The following NEGR1 variants were observed in gnomAD, a reference collection of about 807,000 sequenced individuals.
NEGR1 encodes neuronal growth regulator 1.
A neutral mutation model predicts 40.9 loss-of-function variants in NEGR1; 10 were observed. The observed-to-expected ratio is 0.24, with a 90% CI of 0.15 to 0.42. The LOEUF (loss-of-function observed/expected upper bound fraction) is 0.42, where lower values mean the gene tolerates loss of function less well. Ranked by LOEUF, NEGR1 falls within the 10% of genes least tolerant of loss-of-function variation. The probability of loss-of-function intolerance (pLI) is 1.00; values close to 1 mark genes in which losing one functional copy is unlikely to be tolerated. For synonymous variants in NEGR1, 185 were observed against 166.8 expected, an observed-to-expected ratio of 1.11 and a Z score of -0.84; for missense variants, 352 against 438.9, an observed-to-expected ratio of 0.80 and a Z score of 1.77.
intron 2 of NEGR1, among the ~76,000 whole-genome samples, chr1:71,904,480 C>T (rs187511985): frequency 2.0e-5 from 3 of 152,156 alleles, no homozygotes; most frequent in Non-Finnish European, 2.9e-5. Context: ...AAGTAATATA[C>T]ACTTAATGCC....
At chr1:72,069,116 T>C (rs1159185016) in intron 1 of NEGR1, among the ~76,000 whole-genome samples, 1 of 151,984 alleles carries the variant, frequency 6.6e-6, no homozygotes, top group African/African-American at 2.4e-5. Context: ...TCAGTTTAAG[T>C]ATGTAAACGA....
intron 2 of NEGR1, among the ~76,000 whole-genome samples, chr1:71,813,395 C>A (rs553880408): frequency 6.6e-6 from 1 of 151,784 alleles, no homozygotes; most frequent in Non-Finnish European, 1.5e-5. Context: ...TTTTTGTTTA[C>A]GGTTGTCTTC....
At position 72,246,617 on chromosome 1, in the gene NEGR1, C is replaced by T. The variant is rs74492402; in HGVS notation, c.176+35702G>A. 7.5e-4 allele frequency among the ~76,000 whole-genome samples: 114 copies of T among 152,332 alleles called. 1 individual carries two copies. Among genetic ancestry groups the T allele is most frequent in the African/African-American group, 2.7e-3 (112 of 41,574 alleles). ...CCATTGCCTTTTTTATATAGGAATACATTTCCAAATGACTTAAGAGTATCT... is the reference window on the plus strand; with the variant it reads ...CCATTGCCTTTTTTATATAGGAATATATTTCCAAATGACTTAAGAGTATCT... On this transcript the variant is annotated intron_variant, in intron 1 of 6. Transcript: ENST00000357731.
At chr1:71,960,236 C>T (rs1414362399) in intron 1 of NEGR1, among the ~76,000 whole-genome samples, 13 of 152,140 alleles carry the variant, frequency 8.5e-5, no homozygotes, top group Admixed American at 2.6e-4. Flanking sequence ...TCACATACCT[C>T]TTTCAATCAA....
intron 4 of NEGR1, among the ~76,000 whole-genome samples, chr1:71,664,150 C>G (rs954432589): frequency 6.6e-6 from 1 of 152,012 alleles, no homozygotes; most frequent in Admixed American, 6.6e-5. Context: ...AGTTTCAAAC[C>G]CTACTCCTTT....
chr1:71,728,614 G>T (rs781690280), intron 3 of NEGR1, among the ~76,000 whole-genome samples: 1 of 152,028 alleles, frequency 6.6e-6, no homozygotes, highest in Non-Finnish European at 1.5e-5. Flanking sequence ...TTTGATTTTC[G>T]AGTAGGAACT....
intron 2 of NEGR1, among the ~76,000 whole-genome samples, chr1:71,831,191 T>C (rs1286548867): frequency 6.6e-6 from 1 of 152,084 alleles, no homozygotes; most frequent in South Asian, 2.1e-4. Context: ...CAGCCAGTTG[T>C]TGCTGGGACA....
At chr1:71,459,650 C>G (rs1285517561) in intron 6 of NEGR1, among the ~76,000 whole-genome samples, 1 of 152,200 alleles carries the variant, frequency 6.6e-6, no homozygotes, top group Non-Finnish European at 1.5e-5. Flanking sequence ...TCAGTAAGTT[C>G]AAATCCTGCC....
intron 1 of NEGR1, among the ~76,000 whole-genome samples, chr1:72,140,728 A>T (rs921384987): frequency 6.6e-6 from 1 of 152,060 alleles, no homozygotes; most frequent in Non-Finnish European, 1.5e-5. Context: ...ATTTTGTTAA[A>T]TGTTAGTGAA....
chr1:71,603,428 G>C (rs1299705042), intron 5 of NEGR1, among the ~76,000 whole-genome samples: 1 of 152,186 alleles, frequency 6.6e-6, no homozygotes, highest in Non-Finnish European at 1.5e-5. Flanking sequence ...TGACATAGGA[G>C]TCTGGAAATT....
chr1:72,233,376 G>T (rs1331443791), intron 1 of NEGR1, among the ~76,000 whole-genome samples: 1 of 152,044 alleles, frequency 6.6e-6, no homozygotes, highest in East Asian at 1.9e-4. Context: ...GAGGTTTTGG[G>T]TGTGAATGAT....
intron 1 of NEGR1, among the ~76,000 whole-genome samples, chr1:72,195,325 C>T (rs773134964): frequency 3.9e-5 from 6 of 151,920 alleles, no homozygotes; most frequent in Non-Finnish European, 7.4e-5. Flanking sequence ...CTTAATGGGC[C>T]GTACATAGTT....
At chr1:71,599,088 A>G (rs1422153125) in intron 5 of NEGR1, among the ~76,000 whole-genome samples, 2 of 152,160 alleles carry the variant, frequency 1.3e-5, no homozygotes, top group Non-Finnish European at 2.9e-5. Context: ...TAGTTTTTTC[A>G]TCTGTGAAAT....
chr1:71,792,764 A>T (rs566825148), intron 2 of NEGR1, among the ~76,000 whole-genome samples: 2 of 152,110 alleles, frequency 1.3e-5, no homozygotes, highest in East Asian at 3.9e-4. Flanking sequence ...CTCAAATGGT[A>T]CCTTCAGGAA....
chr1:71,528,175 T>C (rs774699581), intron 6 of NEGR1, among the ~76,000 whole-genome samples: 23 of 151,476 alleles, frequency 1.5e-4, no homozygotes, highest in Admixed American at 2.6e-4. Flanking sequence ...GTCTTCTACA[T>C]TTTCTACCAT....
At chr1:72,116,116 A>C (rs1649569737) in intron 1 of NEGR1, among the ~76,000 whole-genome samples, 1 of 151,764 alleles carries the variant, frequency 6.6e-6, no homozygotes, top group Non-Finnish European at 1.5e-5. Flanking sequence ...GGTTCAATAG[A>C]AGGACAACAG....
chr1:71,969,154 A>T (rs911463309), intron 1 of NEGR1, among the ~76,000 whole-genome samples: 1 of 152,066 alleles, frequency 6.6e-6, no homozygotes, highest in Non-Finnish European at 1.5e-5. Flanking sequence ...AGCTGAGATT[A>T]CAGGCACCCG....
chr1:71,799,052 T>C (rs1006555564), intron 2 of NEGR1, among the ~76,000 whole-genome samples: 1 of 152,032 alleles, frequency 6.6e-6, no homozygotes, highest in Non-Finnish European at 1.5e-5. Flanking sequence ...TGGTGTTTTT[T>C]TTTTTTTATT....
intron 1 of NEGR1, among the ~76,000 whole-genome samples, chr1:72,137,493 G>C (rs1048018772): frequency 6.7e-6 from 1 of 148,540 alleles, no homozygotes; most frequent in Non-Finnish European, 1.5e-5. Context: ...AGTAACACAA[G>C]AAGAGAAAAC....
Sources: gnomAD v4.1 joint callset for allele counts (sites outside exome capture counted in the v4.1 genomes callset) on GRCh38, gnomAD v4.1.1 for gene constraint, MANE v1.5 for transcripts, NCBI Gene and HGNC (gene_info 2026-07-23, HGNC 2026-07-21) for gene names.